The following PIP4K2A variants were observed in gnomAD, a reference collection of about 807,000 sequenced individuals.
PIP4K2A encodes phosphatidylinositol 5-phosphate 4-kinase type-2 alpha.
PIP4K2A carries 14 observed loss-of-function variants against 42.9 expected under a neutral mutation model. The observed-to-expected ratio is 0.33, with a 90% CI of 0.22 to 0.51. The LOEUF (loss-of-function observed/expected upper bound fraction) is 0.51, where lower values mean the gene tolerates loss of function less well. Ranked by LOEUF, PIP4K2A falls within the 20% of genes least tolerant of loss-of-function variation. The pLI, the probability that PIP4K2A is intolerant of heterozygous loss-of-function variation, is 0.97. For synonymous variants in PIP4K2A, 192 were observed against 192.2 expected, an observed-to-expected ratio of 1.00 and a Z score of 0.01; for missense variants, 434 against 519.8, an observed-to-expected ratio of 0.83 and a Z score of 1.61.
chr10:22,638,209 T>C (rs965564030), intron 1 of PIP4K2A, among the ~76,000 whole-genome samples: 5 of 152,238 alleles, frequency 3.3e-5, no homozygotes, highest in African/African-American at 1.2e-4. Flanking sequence ...ATAAAATTTA[T>C]AATGAAAATA....
chr10:22,578,939 T>C (rs528571240), intron 4 of PIP4K2A, among the ~76,000 whole-genome samples: 32 of 152,298 alleles, frequency 2.1e-4, no homozygotes, highest in African/African-American at 7.0e-4. Context: ...CCATGACCCT[T>C]ACCTCCAGGT....
At chr10:22,662,810 T>A (rs558453870) in intron 1 of PIP4K2A, among the ~76,000 whole-genome samples, 1 of 152,186 alleles carries the variant, frequency 6.6e-6, no homozygotes, top group Non-Finnish European at 1.5e-5. Flanking sequence ...AAGACTATGA[T>A]ACAAATTGTC....
rs773991583 is a variant in PIP4K2A at position 22,573,470 on chromosome 10, G to C, written c.493-13C>G. On this transcript the variant is annotated splice_polypyrimidine_tract_variant and intron_variant, in intron 4 of 9. Transcript: ENST00000376573. Reference sequence around the variant, plus strand: ...ATTCCACTATGTACTGCATAGGAGAGAAAGAAAAAGGAAAAAAACATCCAA... The same window carrying C: ...ATTCCACTATGTACTGCATAGGAGACAAAGAAAAAGGAAAAAAACATCCAA... 8 of 1,591,190 alleles carry C rather than the reference G, an allele frequency of 5.0e-6. No individual in the cohort carries two copies. The East Asian group carries it at 1.3e-4, about 27-fold the overall frequency.
At chr10:22,614,394 C>T (rs1379242118) in intron 1 of PIP4K2A, among the ~76,000 whole-genome samples, 2 of 152,142 alleles carry the variant, frequency 1.3e-5, no homozygotes, top group Non-Finnish European at 2.9e-5. Flanking sequence ...TTGAGTAGTG[C>T]GGCAGGATAC....
chr10:22,547,736 G>A (rs1029923218), intron 7 of PIP4K2A, among the ~76,000 whole-genome samples: 2 of 152,156 alleles, frequency 1.3e-5, no homozygotes, highest in Non-Finnish European at 2.9e-5. Flanking sequence ...CTTCAGGGCC[G>A]TGATCAGAAT....
At position 22,559,354 on chromosome 10, in the gene PIP4K2A, C is replaced by T. The variant is rs560129201; in HGVS notation, c.678+8497G>A. ...TCCCATACCTAACAGCAGTGCTCCACGTGTGCTTGGGATACTCTGAGTTGA... is the reference window on the plus strand; with the variant it reads ...TCCCATACCTAACAGCAGTGCTCCATGTGTGCTTGGGATACTCTGAGTTGA... On this transcript the variant is annotated intron_variant, in intron 6 of 9. Coordinates refer to ENST00000376573, the MANE Select transcript of PIP4K2A (RefSeq NM_005028.5). 1.2e-3 allele frequency among the ~76,000 whole-genome samples: 177 copies of T among 152,280 alleles called. 1 individual carries two copies. Among genetic ancestry groups the T allele is most frequent in the African/African-American group, 4.0e-3 (166 of 41,562 alleles).
chr10:22,662,903 A>G (rs1306714845), intron 1 of PIP4K2A, among the ~76,000 whole-genome samples: 3 of 152,248 alleles, frequency 2.0e-5, no homozygotes, highest in Non-Finnish European at 2.9e-5. Context: ...ATATGCACAC[A>G]TCTACATGGG....
At chr10:22,689,777 CATATG>C (rs1839826044) in intron 1 of PIP4K2A, among the ~76,000 whole-genome samples, 1 of 152,198 alleles carries the variant, frequency 6.6e-6, no homozygotes, top group Non-Finnish European at 1.5e-5. Context: ...AAAGTGGAAA[CATATG>C]AGAACAACCA....
rs1358151859 is a variant in PIP4K2A at position 22,549,853 on chromosome 10, AAAAAAAAAAAAAAAAAAAAAAG to A, written c.792+784_792+805del. Among the ~76,000 whole-genome samples the A allele has an allele frequency of 1.2e-3, 97 of 77,744 alleles. 1 individual carries two copies. Among genetic ancestry groups the A allele is most frequent in the Non-Finnish European group, 2.4e-3 (78 of 32,450 alleles). 51.0% of individuals were successfully genotyped at this position (77,744 alleles called of 152,430 possible). Reference sequence around the variant, plus strand: ...GAATCCATCTCAAAAAAAAAAAAAAAAAAAAAAAAAAAAAAAAAAAAGAAAGGAAAGAAAATAACCTTTTTTT... The same window carrying A: ...GAATCCATCTCAAAAAAAAAAAAAAAAAAGGAAAGAAAATAACCTTTTTTT... On this transcript the variant is annotated intron_variant, in intron 7 of 9. Transcript: ENST00000376573.
At position 22,607,955 on chromosome 10, in the gene PIP4K2A, C is replaced by T. The variant is rs747251108; in HGVS notation, c.311G>A (p.Arg104Lys). 3.7e-6 allele frequency: 6 copies of T among 1,612,906 alleles called. No homozygotes were observed. The South Asian group carries it at 4.4e-5, about 12-fold the overall frequency. The change falls in exon 3 of 10, where the codon AGG (arginine) becomes AAG (lysine). Residue 104 changes from arginine (R) to lysine (K), a missense_variant. Physicochemically the swap from Arg to Lys is conservative, Grantham distance 26 (BLOSUM62 2). Around this residue, in one of 2 missense-constraint regions of PIP4K2A, gnomAD observed 395 missense variants for 444.5 expected, o/e 0.89. Coordinates refer to ENST00000376573, the MANE Select transcript of PIP4K2A (RefSeq NM_005028.5). ...GAAATCTTGATCATCAATTCCAAAC[C>T]TCTCCCGCAGGTTACGGAAGACCAT... ...CPMVFRNLRE[R>K]FGIDDQDFQN...
At chr10:22,593,721 G>C (rs1465623815) in intron 3 of PIP4K2A, among the ~76,000 whole-genome samples, 2 of 152,198 alleles carry the variant, frequency 1.3e-5, no homozygotes, top group Non-Finnish European at 2.9e-5. Context: ...AGAACTCTAG[G>C]AACTGTAAGA....
chr10:22,644,487 A>G (rs1838841152), intron 1 of PIP4K2A, among the ~76,000 whole-genome samples: 1 of 152,178 alleles, frequency 6.6e-6, no homozygotes, highest in Non-Finnish European at 1.5e-5. Flanking sequence ...CACCTTGGCT[A>G]AACTCCTGCC....
chr10:22,647,693 C>A (rs1238669467), intron 1 of PIP4K2A, among the ~76,000 whole-genome samples: 2 of 152,160 alleles, frequency 1.3e-5, no homozygotes, highest in African/African-American at 4.8e-5. Flanking sequence ...AGGAAAAGGC[C>A]TCAGAAAGGT....
intron 1 of PIP4K2A, among the ~76,000 whole-genome samples, chr10:22,649,477 C>T (rs1394127782): frequency 6.6e-6 from 1 of 152,230 alleles, no homozygotes; most frequent in Middle Eastern, 3.2e-3. Context: ...CTCTTTTCCA[C>T]CTAAGCGCCA....
intron 1 of PIP4K2A, among the ~76,000 whole-genome samples, chr10:22,680,744 AC>A (rs1328882272): frequency 6.6e-6 from 1 of 152,160 alleles, no homozygotes. Context: ...ATCCAAGGTG[AC>A]CCTACACATG....
At chr10:22,658,281 T>C (rs984973498) in intron 1 of PIP4K2A, among the ~76,000 whole-genome samples, 2 of 152,144 alleles carry the variant, frequency 1.3e-5, no homozygotes, top group Non-Finnish European at 2.9e-5. Flanking sequence ...GTGTTGAATG[T>C]GACATAAACT....
chr10:22,622,225 C>A lies in PIP4K2A; in HGVS notation c.145-12508G>T, dbSNP rs139292048. Among the ~76,000 whole-genome samples, 248 of 152,316 alleles carry A rather than the reference C, an allele frequency of 1.6e-3. 2 individuals are homozygous for A. The highest frequency in any genetic ancestry group is 6.8e-3 in the Middle Eastern group (2 of 294). Reference sequence around the variant, plus strand: ...ACAGAAGAGGAGACAAAGCTGCTACCTCTGTGCCGGTGGCCACTCAATGCC... The same window carrying A: ...ACAGAAGAGGAGACAAAGCTGCTACATCTGTGCCGGTGGCCACTCAATGCC... On this transcript the variant is annotated intron_variant, in intron 1 of 9. Transcript: ENST00000376573.
chr10:22,669,848 C>T (rs1839416561), intron 1 of PIP4K2A, among the ~76,000 whole-genome samples: 3 of 152,176 alleles, frequency 2.0e-5, no homozygotes, highest in Non-Finnish European at 4.4e-5. Flanking sequence ...TGCAGAATCT[C>T]AGTGAAAATG....
At chr10:22,659,169 T>C (rs917555415) in intron 1 of PIP4K2A, among the ~76,000 whole-genome samples, 10 of 152,226 alleles carry the variant, frequency 6.6e-5, no homozygotes, top group Non-Finnish European at 7.3e-5. Context: ...TTGGATTCCA[T>C]AGGAAAAAGC....
Sources: gnomAD v4.1 joint callset for allele counts (sites outside exome capture counted in the v4.1 genomes callset) on GRCh38, gnomAD v4.1.1 for gene constraint, gnomAD v4.1.1 regional missense constraint, MANE v1.5 for transcripts, NCBI Gene and HGNC (gene_info 2026-07-23, HGNC 2026-07-21) for gene names.